Variants in MTSS1 observed in about 807,000 individuals in gnomAD.
MTSS1 encodes the protein MTSS I-BAR domain containing 1, also known as protein MTSS 1.
In MTSS1, 18 loss-of-function variants were observed where a neutral mutation model predicts 79.0. That is an observed-to-expected ratio of 0.23 (90% confidence interval 0.16 to 0.34). The LOEUF (loss-of-function observed/expected upper bound fraction) is 0.34, where lower values mean the gene tolerates loss of function less well. Among genes scored for constraint, MTSS1 ranks in the 10% least tolerant of loss-of-function variants. The pLI is 1.00. For synonymous variants in MTSS1, 341 were observed against 368.6 expected (o/e 0.93, Z 0.86); for missense variants, 815 against 986.2 (o/e 0.83, Z 2.33).
In MTSS1 at chr8:124,589,522, G is replaced by A. The variant is rs997777604; in HGVS notation, c.385+98C>T. 6 of 893,356 alleles carry A rather than the reference G, an allele frequency of 6.7e-6. No homozygotes were observed. The South Asian group carries it at 1.0e-4, about 15-fold the overall frequency. 55.3% of individuals were successfully genotyped at this position (893,356 alleles called of 1,614,324 possible). On this transcript the variant is annotated intron_variant, in intron 5 of 13. Coordinates refer to ENST00000518547, the MANE Select transcript of MTSS1 (RefSeq NM_014751.6). ...AGAGTGGGCCCTTGGCTGTTTTGGT[G>A]ACACCAATAAACCTAGCAGAGGGGC...
chr8:124,675,691 C>T (rs1280160692), intron 3 of MTSS1, among the ~76,000 whole-genome samples: 3 of 152,218 alleles, frequency 2.0e-5, no homozygotes, highest in Non-Finnish European at 4.4e-5. Context: ...AACCTGGAAA[C>T]TGCTTCCTAT....
intron 6 of MTSS1, among the ~76,000 whole-genome samples, chr8:124,576,886 C>T (rs942447245): frequency 5.6e-5 from 8 of 142,798 alleles, no homozygotes; most frequent in Non-Finnish European, 7.8e-5. Context: ...TGTATTTGGT[C>T]GAAAATTAAC....
At chr8:124,658,328 C>T (rs368426229) in intron 3 of MTSS1, among the ~76,000 whole-genome samples, 65 of 152,236 alleles carry the variant, frequency 4.3e-4, no homozygotes, top group African/African-American at 1.5e-3. Flanking sequence ...ATGGGGTTTC[C>T]GTTCTCGCTT....
chr8:124,702,384 A>G (rs1829827630), intron 2 of MTSS1, among the ~76,000 whole-genome samples: 1 of 152,150 alleles, frequency 6.6e-6, no homozygotes, highest in Non-Finnish European at 1.5e-5. Flanking sequence ...TGAGCAGGGG[A>G]GGTGGGATCT....
chr8:124,646,347 C>T (rs1277424783), intron 3 of MTSS1, among the ~76,000 whole-genome samples: 2 of 152,168 alleles, frequency 1.3e-5, no homozygotes, highest in African/African-American at 4.8e-5. Context: ...ATCAGCATCT[C>T]TTGGTAAATA....
chr8:124,619,622 T>G (rs1233958581), intron 3 of MTSS1: 1 of 152,092 alleles, frequency 6.6e-6, no homozygotes, highest in Non-Finnish European at 1.5e-5. Flanking sequence ...TTAAAGCCAA[T>G]GGGAACACAA....
chr8:124,581,939 T>C (rs1176661743), intron 6 of MTSS1, among the ~76,000 whole-genome samples: 2 of 152,170 alleles, frequency 1.3e-5, no homozygotes, highest in East Asian at 3.9e-4. Context: ...GGCAATAAGC[T>C]GATTATCATG....
chr8:124,701,425 A>G (rs1380590993), intron 2 of MTSS1, among the ~76,000 whole-genome samples: 1 of 152,238 alleles, frequency 6.6e-6, no homozygotes, highest in Non-Finnish European at 1.5e-5. Flanking sequence ...GCAAGAAAAC[A>G]TTCTGCTCAA....
chr8:124,567,097 G>C lies in MTSS1; in HGVS notation c.700C>G (p.His234Asp). 1 of 1,614,006 alleles carries C rather than the reference G, an allele frequency of 6.2e-7. No individual in the cohort carries two copies. Among genetic ancestry groups the C allele is most frequent in the South Asian group, 1.1e-5 (1 of 91,084 alleles). ...EDLKSLTMDP[H>D]KLPSSSEQVI... ...TGTTCACTTGAGGAGGGCAGTTTGT[G>C]AGGGTCCATGGTCAGGCTTTTTAGA... Residue 234 changes from histidine (H) to aspartate (D), a missense_variant, in exon 8 of 14, where the codon CAC becomes GAC. By Grantham distance (81) the His-to-Asp change is moderately conservative. This residue lies in a region of MTSS1 where 225 missense variants were observed against 365.4 expected (regional missense o/e 0.62). Transcript: ENST00000518547.
At chr8:124,596,860 C>T (rs1832852426) in intron 3 of MTSS1, among the ~76,000 whole-genome samples, 1 of 152,112 alleles carries the variant, frequency 6.6e-6, no homozygotes, top group Non-Finnish European at 1.5e-5. Flanking sequence ...TCCCATAAGA[C>T]ACGTGTGAAG....
rs984286037 is a variant in MTSS1 at position 124,648,814 on chromosome 8, A to G, written c.208+50712T>C. Among the ~76,000 whole-genome samples, 15 of 152,260 alleles carry G rather than the reference A, an allele frequency of 9.9e-5. No individual in the cohort carries two copies. The South Asian group carries it at 1.0e-3, about 11-fold the overall frequency. ...GCTGTGAGATGGACACCACAAGGCC[A>G]TCAGTACGCCATGATGAAAATGCCA... On this transcript the variant is annotated intron_variant, in intron 3 of 13. Transcript: ENST00000518547.
intron 6 of MTSS1, among the ~76,000 whole-genome samples, chr8:124,578,867 C>T (rs1171072210): frequency 6.6e-6 from 1 of 152,024 alleles, no homozygotes; most frequent in Non-Finnish European, 1.5e-5. Flanking sequence ...CATGAGCCAC[C>T]ACGCCAACGC....
In MTSS1 at chr8:124,553,076, T is replaced by C. The variant is rs1020245364; in HGVS notation, c.2184A>G (p.Gly728=). 2 of 1,614,090 alleles carry C rather than the reference T, an allele frequency of 1.2e-6. No individual in the cohort carries two copies. Among genetic ancestry groups the C allele is most frequent in the Non-Finnish European group, 1.7e-6 (2 of 1,180,016 alleles). ...TTCGGATGGCGTTCAGCATGTCTTCTCCTTGTGGAGTATCCCTTGGGCTCA... is the reference window on the plus strand; with the variant it reads ...TTCGGATGGCGTTCAGCATGTCTTCCCCTTGTGGAGTATCCCTTGGGCTCA... ...ADLSPRDTPQ[G]EDMLNAIRRG... Residue 728 remains glycine (G), a synonymous_variant, in exon 14 of 14, where the codon GGA becomes GGG. Transcript: ENST00000518547. The surrounding 1 kb of genome is among the most constrained non-coding windows in gnomAD (Gnocchi z 6.0).
At chr8:124,655,473 T>C (rs966342756) in intron 3 of MTSS1, among the ~76,000 whole-genome samples, 5 of 152,200 alleles carry the variant, frequency 3.3e-5, no homozygotes, top group African/African-American at 9.7e-5. Context: ...GTTGCCACAG[T>C]GGCCTCCACA....
intron 3 of MTSS1, among the ~76,000 whole-genome samples, chr8:124,615,242 G>A (rs1371947641): frequency 1.3e-5 from 2 of 152,172 alleles, no homozygotes; most frequent in African/African-American, 4.8e-5. Context: ...GCCATGCTGG[G>A]GGGTAGGCAG....
intron 6 of MTSS1, among the ~76,000 whole-genome samples, chr8:124,583,936 T>C (rs539102495): frequency 6.6e-6 from 1 of 152,322 alleles, no homozygotes; most frequent in Admixed American, 6.5e-5. Context: ...AGGATACAAA[T>C]CTGAGAAGCT....
intron 10 of MTSS1, chr8:124,558,663 A>AG: frequency 6.7e-7 from 1 of 1,483,238 alleles, no homozygotes; most frequent in Non-Finnish European, 9.0e-7. Flanking sequence ...AGCAGCAGGC[A>AG]GGGGGACCAG....
intron 3 of MTSS1, among the ~76,000 whole-genome samples, chr8:124,615,742 C>A (rs1410538746): frequency 1.3e-5 from 2 of 152,196 alleles, no homozygotes; most frequent in Non-Finnish European, 2.9e-5. Flanking sequence ...TTTTTAAAAA[C>A]CAATGATCTC....
At chr8:124,558,558 C>T (rs1432339314) in intron 10 of MTSS1, among the ~76,000 whole-genome samples, 2 of 152,170 alleles carry the variant, frequency 1.3e-5, no homozygotes, top group Non-Finnish European at 2.9e-5. Flanking sequence ...CTAGAAAATG[C>T]CCTCAGCCTT....
Sources: gnomAD v4.1 joint callset for allele counts (sites outside exome capture counted in the v4.1 genomes callset) on GRCh38, gnomAD v4.1.1 for gene constraint, gnomAD v4.1.1 regional missense constraint, Gnocchi (gnomAD v3.1) non-coding constraint, MANE v1.5 for transcripts, NCBI Gene and HGNC (gene_info 2026-07-23, HGNC 2026-07-21) for gene names.